Variants in ZNF782 observed in about 807,000 individuals in gnomAD.
The protein encoded by ZNF782 is zinc finger protein 782.
A neutral mutation model predicts 13.0 loss-of-function variants in ZNF782; 12 were observed. That is an observed-to-expected ratio of 0.92 (90% CI 0.59 to 1.50). The LOEUF (loss-of-function observed/expected upper bound fraction) is 1.50. Ranked by LOEUF, ZNF782 falls within the 40% of genes most tolerant of loss-of-function variation. The probability of loss-of-function intolerance (pLI) is 0.00; values close to 1 mark genes in which losing one functional copy is unlikely to be tolerated. For synonymous variants in ZNF782, 284 were observed against 283.0 expected, an observed-to-expected ratio of 1.00 and a Z score of -0.04; for missense variants, 770 against 822.9, an observed-to-expected ratio of 0.94 and a Z score of 0.79.
chr9:96,927,255 T>C, the ZNF782 span, among the ~76,000 whole-genome samples: 4 of 152,126 alleles, frequency 2.6e-5, no homozygotes, highest in South Asian at 2.1e-4. Flanking sequence ...GGATGGGACA[T>C]TGGTGGTTAG....
At chr9:96,888,444 G>A in the ZNF782 span, 69 of 152,258 alleles carry the variant, frequency 4.5e-4, no homozygotes, top group Middle Eastern at 3.4e-3. Flanking sequence ...ATCCACAATT[G>A]TAAGTTGGAC....
chr9:96,881,362 G>C, the ZNF782 span, among the ~76,000 whole-genome samples: 1 of 151,354 alleles, frequency 6.6e-6, no homozygotes, highest in Non-Finnish European at 1.5e-5. Flanking sequence ...TTGTTAATTT[G>C]AGACTTTTCC....
chr9:96,910,261 A>AGAG, the ZNF782 span: 5 of 612,618 alleles, frequency 8.2e-6, no homozygotes, highest in South Asian at 7.3e-5. Flanking sequence ...GTGGGGAGGA[A>AGAG]GAGGAGGAGG....
the ZNF782 span, among the ~76,000 whole-genome samples, chr9:96,926,880 T>C: frequency 6.6e-6 from 1 of 152,134 alleles, no homozygotes; most frequent in African/African-American, 2.4e-5. Flanking sequence ...CTGGTCCGGC[T>C]GAAGGCCTCT....
chr9:96,857,020 T>C (rs533120748), upstream of ZNF782, among the ~76,000 whole-genome samples: 1 of 152,270 alleles, frequency 6.6e-6, no homozygotes, highest in South Asian at 2.1e-4. Flanking sequence ...TTGACCGCAG[T>C]TTTTTAAGCT....
upstream of ZNF782, among the ~76,000 whole-genome samples, chr9:96,880,544 T>C (rs146221996): frequency 2.4e-3 from 362 of 152,352 alleles, 3 homozygotes; most frequent in African/African-American, 8.2e-3. Context: ...TATGATCCTG[T>C]GGTGTTTTAT....
chr9:96,877,647 G>A (rs763654243), upstream of ZNF782, among the ~76,000 whole-genome samples: 1 of 152,234 alleles, frequency 6.6e-6, no homozygotes, highest in African/African-American at 2.4e-5. Flanking sequence ...GGCGGGGTCC[G>A]TTCCTTGCGG....
chr9:96,846,295 C>G (rs566389455), intron 3 of ZNF782, among the ~76,000 whole-genome samples: 1 of 151,920 alleles, frequency 6.6e-6, no homozygotes, highest in African/African-American at 2.4e-5. Context: ...ATGAAAAAAG[C>G]AAACTAGGTA....
chr9:96,903,843 T>C, the ZNF782 span, among the ~76,000 whole-genome samples: 12 of 152,042 alleles, frequency 7.9e-5, 1 homozygote, highest in African/African-American at 2.9e-4. Context: ...ATTACAGGCA[T>C]GAGCCTCCGC....
chr9:96,877,627 C>G (rs1279697863), upstream of ZNF782, among the ~76,000 whole-genome samples: 3 of 152,264 alleles, frequency 2.0e-5, no homozygotes, highest in Non-Finnish European at 4.4e-5. Flanking sequence ...GCCCCGTGGG[C>G]TGGGGTTCGG....
chr9:96,908,344 TG>T, the ZNF782 span, among the ~76,000 whole-genome samples: 1 of 152,194 alleles, frequency 6.6e-6, no homozygotes, highest in South Asian at 2.1e-4. Context: ...CCCAAAGTGC[TG>T]GGATTACAGC....
intron 1 of ZNF782, among the ~76,000 whole-genome samples, chr9:96,862,144 G>A (rs778629933): frequency 1.6e-4 from 24 of 152,194 alleles, no homozygotes; most frequent in Non-Finnish European, 2.9e-4. Flanking sequence ...TGAAATAAGC[G>A]AAGCAAGAAA....
upstream of ZNF782, chr9:96,875,719 C>T (rs1417641042): frequency 1.2e-5 from 5 of 403,084 alleles, no homozygotes; most frequent in East Asian, 3.6e-4. Context: ...GCTTCCCGTT[C>T]TCACCCTCTG....
upstream of ZNF782, among the ~76,000 whole-genome samples, chr9:96,855,819 A>G (rs1219568708): frequency 6.6e-6 from 1 of 152,186 alleles, no homozygotes; most frequent in Non-Finnish European, 1.5e-5. Context: ...TTAGTTCTTT[A>G]AAGAATCTCC....
At chr9:96,870,626 G>C (rs1851814131) in intron 1 of ZNF782, among the ~76,000 whole-genome samples, 1 of 152,220 alleles carries the variant, frequency 6.6e-6, no homozygotes, top group South Asian at 2.1e-4. Context: ...AGGCTCCTAT[G>C]TGAGCTGATA....
chr9:96,908,063 A>AC, the ZNF782 span, among the ~76,000 whole-genome samples: 1 of 152,044 alleles, frequency 6.6e-6, no homozygotes, highest in Non-Finnish European at 1.5e-5. Flanking sequence ...AACACAATGG[A>AC]CACAGTCTGA....
chr9:96,930,871 GGTTTTTTTTTTTTTTTTTT>G, the ZNF782 span, among the ~76,000 whole-genome samples: 3 of 104,402 alleles, frequency 2.9e-5, no homozygotes, highest in African/African-American at 1.1e-4. Flanking sequence ...TCCATCCAGT[GGTTTTTTTTTTTTTTTTTT>G]TTTTTTTTTT....
chr9:96,839,585 G>A (rs1314734634), intron 4 of ZNF782, among the ~76,000 whole-genome samples: 2 of 152,014 alleles, frequency 1.3e-5, no homozygotes, highest in Non-Finnish European at 2.9e-5. Flanking sequence ...TATGCAAAAC[G>A]TATGTAGTTC....
intron 2 of ZNF782, among the ~76,000 whole-genome samples, chr9:96,852,647 C>G (rs1851531295): frequency 6.6e-6 from 1 of 151,840 alleles, no homozygotes; most frequent in South Asian, 2.1e-4. Context: ...ACTCTGTCTC[C>G]AAAACACAAA....
Sources: gnomAD v4.1 joint callset for allele counts (sites outside exome capture counted in the v4.1 genomes callset) on GRCh38, gnomAD v4.1.1 for gene constraint, MANE v1.5 for transcripts, NCBI Gene and HGNC (gene_info 2026-07-23, HGNC 2026-07-21) for gene names.